Variants in MAP3K5 observed in about 807,000 individuals in gnomAD.
MAP3K5 encodes the protein ASK-1.
MAP3K5 carries 56 observed loss-of-function variants against 158.7 expected under a neutral mutation model. The ratio of observed to expected loss-of-function variants is 0.35; its 90% CI spans 0.28 to 0.44. The LOEUF (loss-of-function observed/expected upper bound fraction) is 0.44, where lower values mean the gene tolerates loss of function less well. Ranked by LOEUF, MAP3K5 falls within the 20% of genes least tolerant of loss-of-function variation. The pLI, the probability that MAP3K5 is intolerant of heterozygous loss-of-function variation, is 1.00. For synonymous variants in MAP3K5, 579 were observed against 601.7 expected (o/e 0.96, Z 0.55); for missense variants, 1,294 against 1,674.8 (o/e 0.77, Z 3.97).
At chr6:136,667,833 G>T (rs1397355958) in intron 8 of MAP3K5, among the ~76,000 whole-genome samples, 1 of 151,350 alleles carries the variant, frequency 6.6e-6, no homozygotes, top group Non-Finnish European at 1.5e-5. Context: ...GCAGCAGAGT[G>T]AGACCCTGTC....
chr6:136,722,515 A>T (rs1413897682), intron 1 of MAP3K5, among the ~76,000 whole-genome samples: 4 of 152,092 alleles, frequency 2.6e-5, no homozygotes, highest in Non-Finnish European at 4.4e-5. Context: ...ATGAGAAATT[A>T]CTCTCCATCT....
intron 7 of MAP3K5, among the ~76,000 whole-genome samples, chr6:136,689,001 A>G (rs1780273297): frequency 6.6e-6 from 1 of 152,178 alleles, no homozygotes; most frequent in African/African-American, 2.4e-5. Flanking sequence ...TAGCAGAAAA[A>G]AAAAAAACTT....
chr6:136,668,092 G>A (rs1170564399), intron 8 of MAP3K5, among the ~76,000 whole-genome samples: 5 of 151,732 alleles, frequency 3.3e-5, no homozygotes, highest in Non-Finnish European at 7.4e-5. Flanking sequence ...CAAGAAATTC[G>A]CCAAAGTGGG....
chr6:136,669,062 G>GA (rs112093737), intron 8 of MAP3K5, among the ~76,000 whole-genome samples: 5 of 152,298 alleles, frequency 3.3e-5, no homozygotes, highest in African/African-American at 1.2e-4. Context: ...GGGACTTTTA[G>GA]AAACAGGTAA....
chr6:136,726,956 T>C (rs1781995526), intron 1 of MAP3K5, among the ~76,000 whole-genome samples: 1 of 152,168 alleles, frequency 6.6e-6, no homozygotes, highest in African/African-American at 2.4e-5. Flanking sequence ...TTCCGATTTG[T>C]ATGCCTTTTG....
intron 8 of MAP3K5, among the ~76,000 whole-genome samples, chr6:136,659,713 G>A (rs981972567): frequency 6.6e-6 from 1 of 152,142 alleles, no homozygotes; most frequent in Non-Finnish European, 1.5e-5. Context: ...CTAGGGACTG[G>A]GGGAAGAAGG....
At chr6:136,739,633 C>A (rs1782628189) in intron 1 of MAP3K5, among the ~76,000 whole-genome samples, 1 of 152,160 alleles carries the variant, frequency 6.6e-6, no homozygotes, top group Non-Finnish European at 1.5e-5. Context: ...AGTTAAAGAG[C>A]ATCTTCAAGA....
chr6:136,610,513 A>G (rs369408561), intron 18 of MAP3K5, among the ~76,000 whole-genome samples: 4 of 151,822 alleles, frequency 2.6e-5, no homozygotes, highest in African/African-American at 9.7e-5. Flanking sequence ...AGTAAACAGT[A>G]AAAGAGGGAA....
intron 1 of MAP3K5, among the ~76,000 whole-genome samples, chr6:136,790,082 T>A (rs990611236): frequency 6.6e-6 from 1 of 152,174 alleles, no homozygotes; most frequent in African/African-American, 2.4e-5. Context: ...TAGGGATCCC[T>A]GGGTTTTCTC....
At chr6:136,738,642 A>G (rs1782578133) in intron 1 of MAP3K5, among the ~76,000 whole-genome samples, 2 of 152,216 alleles carry the variant, frequency 1.3e-5, no homozygotes, top group South Asian at 4.1e-4. Flanking sequence ...ATTCATTTCA[A>G]GGAGACTATA....
intron 11 of MAP3K5, among the ~76,000 whole-genome samples, chr6:136,643,390 T>C (rs976154854): frequency 3.3e-5 from 5 of 152,164 alleles, no homozygotes; most frequent in African/African-American, 4.8e-5. Context: ...TGTGTCTAAG[T>C]TGAGCAAGTA....
intron 14 of MAP3K5, among the ~76,000 whole-genome samples, chr6:136,628,779 C>G (rs1025148442): frequency 6.6e-6 from 1 of 151,986 alleles, no homozygotes; most frequent in Non-Finnish European, 1.5e-5. Flanking sequence ...TTAAGTAAAA[C>G]CATCTCTGTG....
chr6:136,642,708 G>A, intron 11 of MAP3K5, 139 bp from the exon 12 acceptor site: 1 of 647,064 alleles, frequency 1.5e-6, no homozygotes, highest in East Asian at 2.7e-5. Context: ...GAATTATCTG[G>A]ATGGAAAGCA....
At chr6:136,790,959 G>A (rs1455700707) in intron 1 of MAP3K5, among the ~76,000 whole-genome samples, 9 of 152,144 alleles carry the variant, frequency 5.9e-5, no homozygotes, top group Admixed American at 4.6e-4. Flanking sequence ...CTTTAATGGC[G>A]AAACTAATCT....
Position 136,558,790 on chromosome 6 carries a change from A to C in MAP3K5, c.4064+10T>G, listed in dbSNP as rs755625475. The C allele has an allele frequency of 1.3e-6, 2 of 1,540,492 alleles. No individual in the cohort carries two copies. Among genetic ancestry groups the C allele is most frequent in the African/African-American group, 2.7e-5 (2 of 73,294 alleles). On this transcript the variant is annotated intron_variant, in intron 29 of 29. Coordinates refer to ENST00000359015, the MANE Select transcript of MAP3K5 (RefSeq NM_005923.4). ...TCTTTCCATAGTGACAACAGAAAGA[A>C]AAGTGGTACCTTAGTCTCAAGCATT...
intron 14 of MAP3K5, among the ~76,000 whole-genome samples, chr6:136,635,688 G>C (rs1397739559): frequency 8.6e-6 from 1 of 116,464 alleles, no homozygotes; most frequent in Non-Finnish European, 1.6e-5. Flanking sequence ...AGGAGTTCAA[G>C]ACCAACCTGG....
intron 1 of MAP3K5, among the ~76,000 whole-genome samples, chr6:136,726,172 A>T (rs1781956515): frequency 6.6e-6 from 1 of 152,220 alleles, no homozygotes; most frequent in Non-Finnish European, 1.5e-5. Context: ...TTTCCTACGT[A>T]AATTTGAGAA....
chr6:136,692,591 A>G (rs1303240922), intron 7 of MAP3K5, among the ~76,000 whole-genome samples: 2 of 152,134 alleles, frequency 1.3e-5, no homozygotes, highest in Non-Finnish European at 2.9e-5. Context: ...TTTTTCCAAC[A>G]TTTATAATTG....
At chr6:136,635,713 T>A (rs1027471261) in intron 14 of MAP3K5, among the ~76,000 whole-genome samples, 6 of 97,022 alleles carry the variant, frequency 6.2e-5, no homozygotes, top group African/African-American at 2.6e-4. Context: ...CAAAGTGAGA[T>A]CCCGTCTCCA....
Sources: allele counts gnomAD v4.1 joint callset (sites outside exome capture counted in the v4.1 genomes callset), GRCh38; gene constraint gnomAD v4.1.1; transcripts MANE v1.5; gene names NCBI Gene and HGNC (gene_info 2026-07-23, HGNC 2026-07-21).